The following C12orf56 variants were observed in gnomAD, a reference collection of about 807,000 sequenced individuals.
The protein encoded by C12orf56 is uncharacterized protein C12orf56.
A neutral mutation model predicts 69.9 loss-of-function variants in C12orf56; 71 were observed. The observed-to-expected ratio is 1.02, with a 90% CI of 0.84 to 1.24. The LOEUF (loss-of-function observed/expected upper bound fraction) is 1.24. Among genes scored for constraint, C12orf56 ranks in the 50% most tolerant of loss-of-function variants. The probability of loss-of-function intolerance (pLI) is 0.00; values close to 1 mark genes in which losing one functional copy is unlikely to be tolerated. For missense variants in C12orf56, 732 were observed against 738.5 expected (o/e 0.99, Z 0.10); for synonymous variants, 276 against 274.1 (o/e 1.01, Z -0.07).
chr12:64,367,493 C>T lies in C12orf56; in HGVS notation c.253-14437G>A, dbSNP rs118034186. Among the ~76,000 whole-genome samples the T allele has an allele frequency of 5.3e-5, 8 of 150,632 alleles. No homozygotes were observed. The East Asian group carries it at 7.8e-4, about 15-fold the overall frequency. On this transcript the variant is annotated intron_variant, in intron 1 of 12. Coordinates refer to ENST00000543942, the MANE Select transcript of C12orf56 (RefSeq NM_001170633.2). The stretch of plus-strand genomic sequence containing the variant: ...TTTTTCTATTCTCACTATGAGACAA[C>T]GTTTAAGGAGAGATACTCTTTTTTT...
intron 2 of C12orf56, among the ~76,000 whole-genome samples, chr12:64,347,165 A>G (rs1168433901): frequency 6.6e-6 from 1 of 151,738 alleles, no homozygotes; most frequent in Non-Finnish European, 1.5e-5. Flanking sequence ...TGTAGTAGAG[A>G]CGGGGTTTTA....
chr12:64,307,716 TTACAG>T (rs981510218), intron 5 of C12orf56, among the ~76,000 whole-genome samples: 2 of 152,120 alleles, frequency 1.3e-5, no homozygotes, highest in Admixed American at 1.3e-4. Flanking sequence ...AAATGTGTTT[TTACAG>T]CTGGGCGTGG....
chr12:64,342,922 A>T (rs6581548), intron 2 of C12orf56, among the ~76,000 whole-genome samples: 1 of 152,184 alleles, frequency 6.6e-6, no homozygotes, highest in Non-Finnish European at 1.5e-5. Context: ...TGGATCTGCC[A>T]GGTCATATGG....
intron 2 of C12orf56, among the ~76,000 whole-genome samples, chr12:64,332,148 G>C (rs6421211): frequency 0.99 from 149,610 of 151,820 alleles, 73,751 homozygotes; most frequent in Middle Eastern, 1. Flanking sequence ...CTACTAAAAA[G>C]ACAAAAATAG....
intron 12 of C12orf56, among the ~76,000 whole-genome samples, chr12:64,269,581 A>T (rs527835858): frequency 8.4e-6 from 1 of 118,476 alleles, no homozygotes; most frequent in African/African-American, 2.9e-5. Context: ...CTCTTCAGTG[A>T]AGTTTATTTA....
At chr12:64,311,174 T>C (rs1043623393) in intron 5 of C12orf56, among the ~76,000 whole-genome samples, 1 of 152,048 alleles carries the variant, frequency 6.6e-6, no homozygotes, top group African/African-American at 2.4e-5. Flanking sequence ...TGGTGGCTCA[T>C]GCCTGTAATC....
At chr12:64,345,333 A>G (rs1237207302) in intron 2 of C12orf56, among the ~76,000 whole-genome samples, 2 of 152,148 alleles carry the variant, frequency 1.3e-5, no homozygotes, top group Admixed American at 1.3e-4. Flanking sequence ...TTATCTCCTC[A>G]GGCAAAGGTG....
intron 1 of C12orf56, among the ~76,000 whole-genome samples, chr12:64,365,712 G>C (rs1315601832): frequency 7.0e-6 from 1 of 142,198 alleles, no homozygotes; most frequent in Non-Finnish European, 1.5e-5. Flanking sequence ...ACAATATATA[G>C]TTTATATAAT....
chr12:64,353,572 T>A (rs12303483), intron 1 of C12orf56, among the ~76,000 whole-genome samples: 20,753 of 152,172 alleles, frequency 0.14, 2,074 homozygotes, highest in African/African-American at 0.29. Context: ...AAAAATGTGC[T>A]CGACAACAGA....
chr12:64,375,079 T>G (rs2039623430), intron 1 of C12orf56, among the ~76,000 whole-genome samples: 9 of 151,850 alleles, frequency 5.9e-5, no homozygotes, highest in Admixed American at 5.9e-4. Context: ...ATTTATTTAT[T>G]TATTTTTTGA....
intron 1 of C12orf56, among the ~76,000 whole-genome samples, chr12:64,368,368 C>T (rs990587753): frequency 1.3e-5 from 2 of 152,042 alleles, no homozygotes; most frequent in African/African-American, 4.8e-5. Flanking sequence ...ACCCATTCTG[C>T]TTGTGTGGTG....
At chr12:64,373,567 T>C (rs2039602136) in intron 1 of C12orf56, among the ~76,000 whole-genome samples, 1 of 152,260 alleles carries the variant, frequency 6.6e-6, no homozygotes, top group Non-Finnish European at 1.5e-5. Flanking sequence ...CAGCAAGTGC[T>C]AAATTGTGAG....
intron 1 of C12orf56, among the ~76,000 whole-genome samples, chr12:64,369,487 T>G (rs558318821): frequency 5.0e-4 from 76 of 152,180 alleles, no homozygotes; most frequent in African/African-American, 1.7e-3. Flanking sequence ...CGAGAGCCAC[T>G]GTGCCTGGCC....
At chr12:64,356,188 A>AAC (rs1555193142) in intron 1 of C12orf56, among the ~76,000 whole-genome samples, 9 of 151,630 alleles carry the variant, frequency 5.9e-5, no homozygotes, top group African/African-American at 1.9e-4. Context: ...AAAAAAAAAA[A>AAC]AAAAAAAAAA....
At chr12:64,301,076 C>T (rs758514392) in intron 6 of C12orf56, among the ~76,000 whole-genome samples, 58 of 152,172 alleles carry the variant, frequency 3.8e-4, no homozygotes, top group Non-Finnish European at 8.2e-4. Flanking sequence ...TTCCCCTTCG[C>T]CTTCTGTCAT....
At chr12:64,326,014 A>G (rs11175342) in intron 3 of C12orf56, among the ~76,000 whole-genome samples, 39,475 of 152,074 alleles carry the variant, frequency 0.26, 5,628 homozygotes, top group Middle Eastern at 0.36. Flanking sequence ...CCTCTAGCCA[A>G]GATGGAGTAA....
intron 1 of C12orf56, among the ~76,000 whole-genome samples, chr12:64,383,228 G>A (rs2039744207): frequency 6.6e-6 from 1 of 151,552 alleles, no homozygotes; most frequent in South Asian, 2.1e-4. Flanking sequence ...GAGGTGGGAG[G>A]ATCACTTGAG....
In C12orf56 at chr12:64,389,685, C is replaced by T. The variant is rs1342833676; in HGVS notation, c.252+629G>A. On this transcript the variant is annotated intron_variant, in intron 1 of 12. Transcript: ENST00000543942. ...GTAATTTTTGTACTTTTGGTGGAGA[C>T]GGCGTTTCACCATGTTGGCCAGCCT... is the stretch of plus-strand genomic sequence containing the variant. 3.9e-5 allele frequency among the ~76,000 whole-genome samples: 6 copies of T among 152,058 alleles called. No homozygotes were observed. In the South Asian group the frequency reaches 8.3e-4, roughly 21 times the overall value.
chr12:64,315,304 ACG>A (rs2038677151), intron 4 of C12orf56, among the ~76,000 whole-genome samples: 1 of 77,854 alleles, frequency 1.3e-5, no homozygotes, highest in South Asian at 5.3e-4. Flanking sequence ...TCATTGTTCT[ACG>A]TTTTTTTTTT....
Sources: allele counts gnomAD v4.1 joint callset (sites outside exome capture counted in the v4.1 genomes callset), GRCh38; gene constraint gnomAD v4.1.1; transcripts MANE v1.5; gene names NCBI Gene and HGNC (gene_info 2026-07-23, HGNC 2026-07-21).